The following ANAPC1 variants were observed in gnomAD, a reference collection of about 807,000 sequenced individuals.
The protein encoded by ANAPC1 is anaphase-promoting complex subunit 1.
A neutral mutation model predicts 208.0 loss-of-function variants in ANAPC1; 36 were observed. The ratio of observed to expected loss-of-function variants is 0.17; its 90% CI spans 0.13 to 0.23. The LOEUF (loss-of-function observed/expected upper bound fraction) is 0.23. Among genes scored for constraint, ANAPC1 ranks in the 10% least tolerant of loss-of-function variants. The pLI, the probability that ANAPC1 is intolerant of heterozygous loss-of-function variation, is 1.00. For missense variants in ANAPC1, 942 were observed against 2,011.6 expected, an observed-to-expected ratio of 0.47 and a Z score of 10.17; for synonymous variants, 378 against 695.2, an observed-to-expected ratio of 0.54 and a Z score of 7.18.
intron 18 of ANAPC1, among the ~76,000 whole-genome samples, chr2:111,836,308 G>A (rs1412240232): frequency 6.6e-6 from 1 of 150,584 alleles, no homozygotes; most frequent in Non-Finnish European, 1.5e-5. Context: ...TAAATTAAAA[G>A]AAATTAAAAT....
rs183521793 is a variant in ANAPC1 at position 111,873,752 on chromosome 2, T to G, written c.376-88A>C. Reference sequence around the variant, plus strand: ...TGGCATCTAAATAATAATAATAGCATCTACGTAATAACTTTGCCTCCTCAG... The same window carrying G: ...TGGCATCTAAATAATAATAATAGCAGCTACGTAATAACTTTGCCTCCTCAG... On this transcript the variant is annotated intron_variant, in intron 3 of 47. Transcript: ENST00000341068. 2.8e-6 allele frequency: 4 copies of G among 1,416,770 alleles called. No homozygotes were observed. The African/African-American group carries it at 6.0e-5, about 21-fold the overall frequency. 87.8% of individuals were successfully genotyped at this position (1,416,770 alleles called of 1,614,324 possible).
chr2:111,851,436 A>G (rs987284201), intron 13 of ANAPC1, among the ~76,000 whole-genome samples: 11 of 151,906 alleles, frequency 7.2e-5, no homozygotes, highest in African/African-American at 2.7e-4. Flanking sequence ...AGGCAAGGAG[A>G]GGAATGTTAA....
intron 28 of ANAPC1, among the ~76,000 whole-genome samples, chr2:111,810,210 T>A (rs1321557706): frequency 6.6e-6 from 1 of 151,880 alleles, no homozygotes; most frequent in Non-Finnish European, 1.5e-5. Context: ...AATACCATAT[T>A]TTATATGACT....
chr2:111,880,310 T>C (rs1268094898), intron 2 of ANAPC1, among the ~76,000 whole-genome samples: 1 of 152,036 alleles, frequency 6.6e-6, no homozygotes, highest in Non-Finnish European at 1.5e-5. Flanking sequence ...AGGCAGAGGT[T>C]GCGGTGAGCC....
At chr2:111,823,630 T>C (rs1679669849) in intron 24 of ANAPC1, among the ~76,000 whole-genome samples, 2 of 152,184 alleles carry the variant, frequency 1.3e-5, no homozygotes, top group Admixed American at 1.3e-4. Flanking sequence ...CTGCTACTGC[T>C]ACATGAGTCG....
At chr2:111,798,307 A>G (rs1321436712) in intron 34 of ANAPC1, among the ~76,000 whole-genome samples, 4 of 152,240 alleles carry the variant, frequency 2.6e-5, no homozygotes, top group African/African-American at 9.6e-5. Context: ...ACCTGTGTTT[A>G]CCGTGCTTGA....
At chr2:111,877,360 C>A (rs958583315) in intron 3 of ANAPC1, among the ~76,000 whole-genome samples, 9 of 151,798 alleles carry the variant, frequency 5.9e-5, no homozygotes, top group Admixed American at 5.2e-4. Flanking sequence ...ACCTTTTTTT[C>A]TTTCTCCGTG....
At chr2:111,775,630 G>T (rs1250492450) in intron 46 of ANAPC1, among the ~76,000 whole-genome samples, 2 of 152,150 alleles carry the variant, frequency 1.3e-5, no homozygotes, top group African/African-American at 4.8e-5. Flanking sequence ...CACCAAATGC[G>T]CTAAAGAGCA....
chr2:111,866,800 TAAAAA>T (rs59286666), intron 7 of ANAPC1, among the ~76,000 whole-genome samples: 9 of 123,238 alleles, frequency 7.3e-5, no homozygotes, highest in Non-Finnish European at 1.4e-4. Flanking sequence ...AAATTGTACT[TAAAAA>T]AAAAAAAAAA....
intron 18 of ANAPC1, among the ~76,000 whole-genome samples, chr2:111,835,478 G>T (rs1239684464): frequency 6.6e-6 from 1 of 152,154 alleles, no homozygotes; most frequent in Non-Finnish European, 1.5e-5. Context: ...GTTTTTGTAA[G>T]GCTTAATACA....
intron 3 of ANAPC1, among the ~76,000 whole-genome samples, chr2:111,874,652 T>C (rs935574488): frequency 2.3e-4 from 35 of 152,216 alleles, no homozygotes; most frequent in African/African-American, 8.4e-4. Context: ...TATACCACAT[T>C]TGTTTATCCA....
intron 2 of ANAPC1, among the ~76,000 whole-genome samples, chr2:111,879,226 C>G (rs532530387): frequency 2.6e-5 from 4 of 152,210 alleles, no homozygotes; most frequent in African/African-American, 9.6e-5. Flanking sequence ...CAAAAACGAA[C>G]AAAAAGTACA....
Position 111,850,865 on chromosome 2 carries a change from T to C in ANAPC1, c.1561A>G (p.Met521Val). 6.2e-7 allele frequency: 1 copy of C among 1,611,202 alleles called. No individual in the cohort carries two copies. Among genetic ancestry groups the C allele is most frequent in the South Asian group, 1.1e-5 (1 of 90,672 alleles). Reference sequence around the variant, plus strand: ...CTGGGCCGAGGCATTGTGTTGGACATCGTCAGAGAGGGAGCTGGCAGTCCA... The same window carrying C: ...CTGGGCCGAGGCATTGTGTTGGACACCGTCAGAGAGGGAGCTGGCAGTCCA... ...IPGLPAPSLT[M>V]SNTMPRPSTP... The change falls in exon 14 of 48, where the codon ATG (methionine) becomes GTG (valine). Residue 521 changes from methionine (M) to valine (V), a missense_variant. Met to Val is a conservative substitution (Grantham distance 21). Transcript: ENST00000341068.
chr2:111,843,667 C>T, intron 16 of ANAPC1, 68 bp from the exon 17 acceptor site: 1 of 1,414,172 alleles, frequency 7.1e-7, no homozygotes, highest in South Asian at 1.4e-5. Flanking sequence ...TTTCAATCAC[C>T]AAGTTTTTTA....
At chr2:111,852,262 G>A (rs1033601689) in intron 13 of ANAPC1, among the ~76,000 whole-genome samples, 2 of 138,388 alleles carry the variant, frequency 1.4e-5, no homozygotes, top group African/African-American at 5.2e-5. Flanking sequence ...TGAGACCCAG[G>A]AATGACCTAA....
chr2:111,766,887 T>C, downstream of ANAPC1: 3 of 464,420 alleles, frequency 6.5e-6, no homozygotes, highest in South Asian at 4.7e-5. Flanking sequence ...AGTCAGCTAG[T>C]TACTAGACAA....
chr2:111,875,296 T>C (rs981041824), intron 3 of ANAPC1, among the ~76,000 whole-genome samples: 3 of 152,194 alleles, frequency 2.0e-5, no homozygotes, highest in Non-Finnish European at 2.9e-5. Flanking sequence ...GTGGGAGATT[T>C]TAATGGTTAA....
intron 7 of ANAPC1, chr2:111,865,945 C>A: frequency 4.9e-6 from 1 of 205,464 alleles, no homozygotes; most frequent in Non-Finnish European, 9.9e-6. Flanking sequence ...GTGGCTAACG[C>A]CTGTAATCCC....
intron 44 of ANAPC1, 26 bp from the exon 45 acceptor site, chr2:111,778,796 C>T (rs1677124169): frequency 6.2e-7 from 1 of 1,609,244 alleles, no homozygotes; most frequent in Admixed American, 1.7e-5. Context: ...AGTTTTGTAG[C>T]ACAAAGTATA....
Sources: allele counts gnomAD v4.1 joint callset (sites outside exome capture counted in the v4.1 genomes callset), GRCh38; gene constraint gnomAD v4.1.1; transcripts MANE v1.5; gene names NCBI Gene and HGNC (gene_info 2026-07-23, HGNC 2026-07-21).